Variants in PIP5K1B observed in about 807,000 individuals in gnomAD.
PIP5K1B encodes phosphatidylinositol 4-phosphate 5-kinase type-1 beta.
A neutral mutation model predicts 67.0 loss-of-function variants in PIP5K1B; 42 were observed. That is an observed-to-expected ratio of 0.63 (90% CI 0.49 to 0.81). PIP5K1B has a LOEUF of 0.81. Ranked by LOEUF, PIP5K1B falls within the 30% of genes least tolerant of loss-of-function variation. PIP5K1B has a pLI of 0.00. For missense variants in PIP5K1B, 459 were observed against 646.3 expected (o/e 0.71, Z 3.14); for synonymous variants, 214 against 231.4 (o/e 0.92, Z 0.68).
chr9:68,918,332 C>CTCTT (rs1826204818), intron 9 of PIP5K1B, among the ~76,000 whole-genome samples: 1 of 152,130 alleles, frequency 6.6e-6, no homozygotes, highest in Admixed American at 6.5e-5. Flanking sequence ...TCATGTGATC[C>CTCTT]ACCTGCCTTG....
intron 15 of PIP5K1B, among the ~76,000 whole-genome samples, chr9:68,993,306 A>G (rs1830462371): frequency 6.6e-6 from 1 of 151,994 alleles, no homozygotes; most frequent in South Asian, 2.1e-4. Context: ...GACCAAGCAC[A>G]TCTCTGCCTT....
intron 15 of PIP5K1B, among the ~76,000 whole-genome samples, chr9:69,002,759 C>G (rs775423726): frequency 4.8e-4 from 73 of 152,074 alleles, no homozygotes; most frequent in Non-Finnish European, 7.2e-4. Flanking sequence ...GAGAGGGGCC[C>G]ATCACTTAAG....
Position 68,890,696 on chromosome 9 carries a change from CA to C in PIP5K1B, c.471+1576del, listed in dbSNP as rs76772005. Among the ~76,000 whole-genome samples, 864 of 111,710 alleles carry C rather than the reference CA, an allele frequency of 7.7e-3. 8 individuals are homozygous for C. The highest frequency in any genetic ancestry group is 0.025 in the African/African-American group (743 of 30,266). 73.3% of individuals were successfully genotyped at this position (111,710 alleles called of 152,430 possible). On this transcript the variant is annotated intron_variant, in intron 7 of 15. Coordinates refer to ENST00000265382, the MANE Select transcript of PIP5K1B (RefSeq NM_003558.4). ...GGAGGAACAGAAAATATAGAAAAGCCAAAAAAAAAAAAACTAACTATAGTTT... is the reference window on the plus strand; with the variant it reads ...GGAGGAACAGAAAATATAGAAAAGCCAAAAAAAAAAAACTAACTATAGTTT...
At chr9:69,005,304 T>C (rs1831027502) in intron 15 of PIP5K1B, among the ~76,000 whole-genome samples, 1 of 152,224 alleles carries the variant, frequency 6.6e-6, no homozygotes, top group South Asian at 2.1e-4. Context: ...TTAAATTCTT[T>C]TCAGATCGTT....
intron 8 of PIP5K1B, among the ~76,000 whole-genome samples, chr9:68,895,543 C>T (rs1034316043): frequency 4.6e-5 from 7 of 151,604 alleles, no homozygotes; most frequent in African/African-American, 1.5e-4. Context: ...CCCAAACTCA[C>T]GTGAAGGTGA....
chr9:68,935,338 G>A (rs1827203593), intron 13 of PIP5K1B, among the ~76,000 whole-genome samples: 2 of 151,946 alleles, frequency 1.3e-5, no homozygotes, highest in Admixed American at 6.6e-5. Flanking sequence ...CGTGATAGCG[G>A]GCGCCTGTAA....
chr9:68,767,004 A>G (rs1564118497), intron 2 of PIP5K1B, among the ~76,000 whole-genome samples: 1 of 152,212 alleles, frequency 6.6e-6, no homozygotes, highest in Non-Finnish European at 1.5e-5. Flanking sequence ...TTCTTCAAAT[A>G]GTCAGGGATA....
intron 11 of PIP5K1B, among the ~76,000 whole-genome samples, chr9:68,921,984 A>C (rs1826429404): frequency 6.6e-6 from 1 of 152,210 alleles, no homozygotes; most frequent in African/African-American, 2.4e-5. Flanking sequence ...TTACTTAAAC[A>C]ATGTTTATTC....
intron 12 of PIP5K1B, among the ~76,000 whole-genome samples, chr9:68,924,764 A>T (rs1826599590): frequency 6.6e-6 from 1 of 152,204 alleles, no homozygotes; most frequent in Non-Finnish European, 1.5e-5. Context: ...AAATAAGACA[A>T]ATTTTCCTGG....
At chr9:68,844,160 C>T (rs1337091228) in intron 4 of PIP5K1B, among the ~76,000 whole-genome samples, 4 of 152,172 alleles carry the variant, frequency 2.6e-5, no homozygotes, top group Non-Finnish European at 4.4e-5. Context: ...TGTCCATAGG[C>T]TCATGGAAGC....
intron 8 of PIP5K1B, among the ~76,000 whole-genome samples, chr9:68,913,420 C>T (rs552548147): frequency 6.6e-6 from 1 of 152,282 alleles, no homozygotes; most frequent in East Asian, 1.9e-4. Context: ...TCTTAAAGCT[C>T]ACACATGTTA....
At chr9:68,735,309 CT>C (rs1359525268) in intron 1 of PIP5K1B, among the ~76,000 whole-genome samples, 5 of 50,184 alleles carry the variant, frequency 1.0e-4, no homozygotes, top group Admixed American at 2.6e-4. Flanking sequence ...CTGTTTTCCC[CT>C]AGTGTCTTTT....
At chr9:68,917,491 A>G (rs1158233831) in intron 8 of PIP5K1B, 57 bp from the exon 9 acceptor site, 1 of 1,186,360 alleles carries the variant, frequency 8.4e-7, no homozygotes, top group Non-Finnish European at 1.3e-6. Context: ...GATAATGAGT[A>G]GATGAGACGA....
intron 6 of PIP5K1B, among the ~76,000 whole-genome samples, chr9:68,879,573 A>C (rs1009203056): frequency 6.6e-6 from 1 of 152,174 alleles, no homozygotes; most frequent in African/African-American, 2.4e-5. Context: ...ATCTCAAAAA[A>C]ATAAAAATAA....
intron 5 of PIP5K1B, among the ~76,000 whole-genome samples, chr9:68,875,621 G>T (rs1359772769): frequency 2.6e-5 from 4 of 152,114 alleles, no homozygotes; most frequent in African/African-American, 9.7e-5. Flanking sequence ...TGTTTATTCT[G>T]TGCTGAAAGC....
intron 14 of PIP5K1B, among the ~76,000 whole-genome samples, chr9:68,956,769 C>G (rs1828418488): frequency 1.3e-5 from 2 of 152,154 alleles, no homozygotes; most frequent in African/African-American, 4.8e-5. Context: ...TAAACTAGAA[C>G]TTTTCAACGT....
intron 14 of PIP5K1B, among the ~76,000 whole-genome samples, chr9:68,988,651 A>T (rs1262090191): frequency 6.6e-6 from 1 of 152,050 alleles, no homozygotes; most frequent in Non-Finnish European, 1.5e-5. Context: ...AGGTTTCACC[A>T]TATTGGCCAG....
intron 5 of PIP5K1B, among the ~76,000 whole-genome samples, chr9:68,875,945 A>T (rs1454408279): frequency 1.3e-5 from 2 of 152,216 alleles, no homozygotes; most frequent in Non-Finnish European, 2.9e-5. Flanking sequence ...GGATCTGAGC[A>T]GTAAAAAGTA....
At chr9:68,730,397 G>GGATGGA (rs1828366799) in intron 1 of PIP5K1B, among the ~76,000 whole-genome samples, 1 of 152,150 alleles carries the variant, frequency 6.6e-6, no homozygotes, top group South Asian at 2.1e-4. Context: ...ATGAAAGTGA[G>GGATGGA]GATGGAGTAA....
Sources: gnomAD v4.1 joint callset for allele counts (sites outside exome capture counted in the v4.1 genomes callset) on GRCh38, gnomAD v4.1.1 for gene constraint, MANE v1.5 for transcripts, NCBI Gene and HGNC (gene_info 2026-07-23, HGNC 2026-07-21) for gene names.